C6: variants seen among roughly 807,000 people sequenced by gnomAD.
C6 encodes the protein complement C6.
In C6, 101 loss-of-function variants were observed where a neutral mutation model predicts 112.9. That is an observed-to-expected ratio of 0.89 (90% CI 0.76 to 1.06). The LOEUF is 1.06. Among genes scored for constraint, C6 ranks in the 50% least tolerant of loss-of-function variants. The probability of loss-of-function intolerance (pLI) is 0.00; values close to 1 mark genes in which losing one functional copy is unlikely to be tolerated. For synonymous variants in C6, 431 were observed against 384.1 expected (o/e 1.12, Z -1.43); for missense variants, 1,202 against 1,104.6 (o/e 1.09, Z -1.25).
intron 1 of C6, among the ~76,000 whole-genome samples, chr5:41,233,400 T>C (rs1005313187): frequency 6.6e-6 from 1 of 152,114 alleles, no homozygotes; most frequent in African/African-American, 2.4e-5. Flanking sequence ...AAATGGGCTA[T>C]ATGATGTAAA....
rs370054003 is a variant in C6, at chr5:41,160,328, C to T, written c.1498G>A (p.Ala500Thr). ...IVDLVRNIPCAVTKRNNLRKA... is the reference protein window; with the variant it reads ...IVDLVRNIPCTVTKRNNLRKA... ...CTGAGGTTGTTCCGTTTTGTCACTG[C>T]ACAGGGGATGTTTCTTACCAAGTCC... Residue 500 changes from alanine (A) to threonine (T), a missense_variant, in exon 11 of 18, where the codon GCA (alanine) becomes ACA (threonine). Transcript: ENST00000337836. 6.2e-7 allele frequency: 1 copy of T among 1,613,780 alleles called. No individual in the cohort carries two copies. The highest frequency in any genetic ancestry group is 1.7e-5 in the Admixed American group (1 of 59,962).
At chr5:41,170,888 T>C (rs191526551) in intron 9 of C6, among the ~76,000 whole-genome samples, 18 of 152,166 alleles carry the variant, frequency 1.2e-4, no homozygotes, top group South Asian at 4.1e-4. Flanking sequence ...GGAGAGAGCA[T>C]GACTTGTTTA....
rs565672853 is a variant in C6, at chr5:41,237,070, T to C, written c.-21+24124A>G. 1.5e-4 allele frequency among the ~76,000 whole-genome samples: 21 copies of C among 144,236 alleles called. No individual in the cohort carries two copies. The East Asian group carries it at 4.0e-3, about 28-fold the overall frequency. The allele number at this position is 144,236 out of a possible 152,430, so 94.6% of individuals were successfully genotyped here. On this transcript the variant is annotated intron_variant, in intron 1 of 17. Transcript: ENST00000263413. ...AATAGACCAATAACAGGCTCTGAAA[T>C]TGTGGCAATAATCAATAGTTTACCA...
intron 9 of C6, among the ~76,000 whole-genome samples, chr5:41,168,435 C>T (rs1012359286): frequency 6.6e-6 from 1 of 152,120 alleles, no homozygotes; most frequent in Non-Finnish European, 1.5e-5. Context: ...TGTTTTGAGA[C>T]AGCCAAACTT....
chr5:41,168,596 C>T (rs1243277309), intron 9 of C6, among the ~76,000 whole-genome samples: 2 of 152,066 alleles, frequency 1.3e-5, no homozygotes, highest in African/African-American at 4.8e-5. Flanking sequence ...CTCCTTCTGA[C>T]TTCTTTTGTT....
At chr5:41,223,093 C>A (rs1359016610) in intron 1 of C6, among the ~76,000 whole-genome samples, 7 of 152,090 alleles carry the variant, frequency 4.6e-5, no homozygotes, top group African/African-American at 1.7e-4. Context: ...TGTACTCAGC[C>A]TGGAGCTGAA....
At position 41,142,960 on chromosome 5, in the gene C6, C is replaced by T. The variant is rs2150210597; in HGVS notation, c.2670G>A (p.Lys890=). The change falls in exon 18 of 18, where the codon AAG becomes AAA. Residue 890 remains lysine (K), a synonymous_variant. Coordinates refer to ENST00000337836, the MANE Select transcript of C6 (RefSeq NM_000065.5). ...TGACACAGTAGAGTTGGTTTCCACC[C>T]TTGAAGCACTGTGGGGGCAATAGGC... ...CVCLLPPQCF[K]GGNQLYCVKM... 1.2e-6 allele frequency: 2 copies of T among 1,613,574 alleles called. No individual in the cohort carries two copies.
At chr5:41,216,855 AC>A (rs1393343320), upstream of C6, among the ~76,000 whole-genome samples, 2 of 152,118 alleles carry the variant, frequency 1.3e-5, no homozygotes, top group African/African-American at 4.8e-5. Flanking sequence ...CAGTAGCACA[AC>A]CCTATTCAAA....
rs751009630 is a variant in C6 at position 41,201,635 on chromosome 5, A to T, written c.223T>A (p.Trp75Arg). ...AGGCAGTTGATGGGGCATCTTTGCC[A>T]GTTACATTCTCTAGTCTCCTGCTTG... The part of the protein sequence containing the change: ...CSKQETRECN[W>R]QRCPINCLLG... Residue 75 changes from tryptophan (W) to arginine (R), a missense_variant, in exon 3 of 18, where the codon TGG becomes AGG. By Grantham distance (101) the Trp-to-Arg change is moderately radical. Transcript: ENST00000337836. 3 of 1,613,582 alleles carry T rather than the reference A, an allele frequency of 1.9e-6. No individual in the cohort carries two copies. The highest frequency in any genetic ancestry group is 2.5e-6 in the Non-Finnish European group (3 of 1,179,874).
intron 9 of C6, among the ~76,000 whole-genome samples, 183 bp from the exon 10 acceptor site, chr5:41,162,042 G>T (rs916161555): frequency 1.3e-5 from 2 of 152,116 alleles, no homozygotes; most frequent in African/African-American, 4.8e-5. Flanking sequence ...TTTAATAATA[G>T]AAATAATAAT....
intron 1 of C6, among the ~76,000 whole-genome samples, chr5:41,212,193 A>G (rs1307170459): frequency 6.6e-6 from 1 of 152,070 alleles, no homozygotes; most frequent in Non-Finnish European, 1.5e-5. Context: ...ACAGAGTTTC[A>G]TTCTTTCACC....
chr5:41,196,599 AT>A (rs1275476309), intron 4 of C6, among the ~76,000 whole-genome samples: 1 of 151,600 alleles, frequency 6.6e-6, no homozygotes, highest in East Asian at 1.9e-4. Context: ...CACACTTAGA[AT>A]TGCATATTTT....
intron 1 of C6, among the ~76,000 whole-genome samples, chr5:41,251,076 G>A (rs1030088008): frequency 3.0e-4 from 45 of 152,160 alleles, no homozygotes; most frequent in Admixed American, 8.5e-4. Context: ...TCTTGAGTGC[G>A]GAGAACTATA....
At chr5:41,206,253 C>T (rs1751426519) in intron 1 of C6, among the ~76,000 whole-genome samples, 1 of 152,158 alleles carries the variant, frequency 6.6e-6, no homozygotes, top group Non-Finnish European at 1.5e-5. Flanking sequence ...TAGATAAAAC[C>T]ACAAAGATGG....
At chr5:41,206,551 A>T (rs981550041) in intron 1 of C6, among the ~76,000 whole-genome samples, 2 of 152,210 alleles carry the variant, frequency 1.3e-5, no homozygotes, top group Non-Finnish European at 2.9e-5. Flanking sequence ...GGAGCTGAAA[A>T]CCATGGCACA....
At position 41,161,758 on chromosome 5, in the gene C6, C is replaced by G. The variant is rs1339211231; in HGVS notation, c.1393G>C (p.Glu465Gln). Residue 465 changes from glutamate (E) to glutamine (Q), a missense_variant, in exon 10 of 18, where the codon GAG becomes CAG. By Grantham distance (29) the Glu-to-Gln change is conservative. Transcript: ENST00000337836. The stretch of plus-strand genomic sequence containing the variant: ...AACCACTCAGAAAATGTCTTCTCCT[C>G]CAGACCAGAGCTCCCTTTCTCCCAT... ...LAWEKGSSGL[E>Q]EKTFSEWLES... 1.9e-6 allele frequency: 3 copies of G among 1,613,572 alleles called. No individual in the cohort carries two copies. The highest frequency in any genetic ancestry group is 1.3e-5 in the African/African-American group (1 of 74,904).
chr5:41,181,684 G>A, intron 6 of C6, 125 bp from the exon 7 acceptor site: 1 of 812,828 alleles, frequency 1.2e-6, no homozygotes, highest in Non-Finnish European at 2.0e-6. Flanking sequence ...GACACATTTT[G>A]CTAGAGAACA....
intron 7 of C6, among the ~76,000 whole-genome samples, chr5:41,178,467 T>A (rs1749038565): frequency 4.9e-5 from 1 of 20,512 alleles, no homozygotes; most frequent in Non-Finnish European, 1.1e-4. Flanking sequence ...TTTCTTTTTC[T>A]TTTTTTTTTT....
In C6 at chr5:41,149,237, T is replaced by G; in HGVS notation, c.2623+4A>C. The G allele has an allele frequency of 6.2e-7, 1 of 1,614,036 alleles. No individual in the cohort carries two copies. The highest frequency in any genetic ancestry group is 8.5e-7 in the Non-Finnish European group (1 of 1,179,918). On this transcript the variant is annotated splice_donor_region_variant and intron_variant, in intron 17 of 17. Transcript: ENST00000337836. ...CATTTAGTATGGTCACCATTGGAAC[T>G]TACCTGAACATTTTTCCCAGTCATA...
Sources: gnomAD v4.1 joint callset for allele counts (sites outside exome capture counted in the v4.1 genomes callset) on GRCh38, gnomAD v4.1.1 for gene constraint, MANE v1.5 for transcripts, NCBI Gene and HGNC (gene_info 2026-07-23, HGNC 2026-07-21) for gene names.